The following IL17RC variants were observed in gnomAD, a reference collection of about 807,000 sequenced individuals.
IL17RC encodes the protein interleukin 17 receptor C.
In IL17RC, 53 loss-of-function variants were observed where a neutral mutation model predicts 86.7. That is an observed-to-expected ratio of 0.61 (90% confidence interval 0.49 to 0.77). The LOEUF (loss-of-function observed/expected upper bound fraction) is 0.77. IL17RC is among the 30% of genes least tolerant of loss of function. The pLI, the probability that IL17RC is intolerant of heterozygous loss-of-function variation, is 0.00. For synonymous variants in IL17RC, 439 were observed against 413.1 expected (o/e 1.06, Z -0.76); for missense variants, 957 against 940.0 (o/e 1.02, Z -0.24).
chr3:9,917,739 G>A lies in IL17RC; in HGVS notation c.127+5G>A. ...GCCTCTCCTGCCGCCTCTGGGGTAA[G>A]TATCCCTACTTTTAAAAAGAATTTC... On this transcript the variant is annotated splice_donor_5th_base_variant and intron_variant, in intron 2 of 18. Transcript: ENST00000403601. The A allele has an allele frequency of 3.1e-6, 5 of 1,613,678 alleles. No homozygotes were observed. Among genetic ancestry groups the A allele is most frequent in the Non-Finnish European group, 4.2e-6 (5 of 1,179,992 alleles).
At chr3:9,920,361 A>G (rs2083438234) in intron 5 of IL17RC, 130 bp from the exon 6 acceptor site, 4 of 626,064 alleles carry the variant, frequency 6.4e-6, no homozygotes, top group Non-Finnish European at 8.8e-6. Context: ...TTCAGGCTAT[A>G]CAGTATAAAT....
intron 9 of IL17RC, among the ~76,000 whole-genome samples, chr3:9,927,831 C>T (rs1329519158): frequency 2.6e-5 from 4 of 151,980 alleles, no homozygotes; most frequent in Non-Finnish European, 4.4e-5. Flanking sequence ...TTCCTGTAAT[C>T]GCAGCTCCTC....
chr3:9,927,252 G>A (rs1401781071), intron 9 of IL17RC, among the ~76,000 whole-genome samples: 1 of 152,116 alleles, frequency 6.6e-6, no homozygotes, highest in East Asian at 1.9e-4. Context: ...ACAAGTGATT[G>A]TGGAATGAAT....
At chr3:9,921,782 G>T (rs1451082099) in intron 7 of IL17RC, among the ~76,000 whole-genome samples, 1 of 149,742 alleles carries the variant, frequency 6.7e-6, no homozygotes, top group Non-Finnish European at 1.5e-5. Flanking sequence ...CCGCCACCAC[G>T]CCTGGCTAAT....
At chr3:9,921,255 G>A (rs1351734530) in intron 7 of IL17RC, among the ~76,000 whole-genome samples, 1 of 152,152 alleles carries the variant, frequency 6.6e-6, no homozygotes, top group East Asian at 1.9e-4. Flanking sequence ...AAAAGTTCAA[G>A]ACGAGCCTGG....
rs747669457 is a variant in IL17RC at position 9,930,953 on chromosome 3, G to GT, written c.1387+11dup. On this transcript the variant is annotated intron_variant, in intron 16 of 18. Coordinates refer to ENST00000403601, the MANE Select transcript of IL17RC (RefSeq NM_153460.4). This position sits in a 1 kb window ranked among gnomAD's most constrained non-coding sequence, Gnocchi z 5.8. ...TGCCCCATGGACAAATGTGAGTATT[G>GT]TAAGAACTGCCTTTCCTTTCTGTAC... is the stretch of plus-strand genomic sequence containing the variant. 1.9e-5 allele frequency: 31 copies of GT among 1,611,710 alleles called. 2 individuals carry two copies. In the South Asian group the frequency reaches 3.3e-4, roughly 17 times the overall value.
chr3:9,917,873 A>G (rs751946231), intron 2 of IL17RC, 50 bp from the exon 3 acceptor site: 46 of 1,612,214 alleles, frequency 2.9e-5, no homozygotes, highest in Non-Finnish European at 3.6e-5. Context: ...GGTGCCACCA[A>G]ATTCTGGGCT....
At chr3:9,929,647 G>A (rs140436474) in intron 12 of IL17RC, 75 of 654,016 alleles carry the variant, frequency 1.1e-4, no homozygotes, top group African/African-American at 5.0e-4. Flanking sequence ...GTCAGAAGAC[G>A]CTTTATACAG....
intron 9 of IL17RC, among the ~76,000 whole-genome samples, chr3:9,926,530 G>A (rs2084091583): frequency 6.6e-6 from 1 of 152,018 alleles, no homozygotes; most frequent in African/African-American, 2.4e-5. Flanking sequence ...TTGAAGGCAA[G>A]CAAATCATAT....
At chr3:9,921,070 A>G in intron 7 of IL17RC, 101 bp downstream of exon 7, 2 of 663,852 alleles carry the variant, frequency 3.0e-6, no homozygotes, top group Non-Finnish European at 5.1e-6. Flanking sequence ...ACATCTCAGA[A>G]GCTCACAGAA....
chr3:9,921,791 A>AT lies in IL17RC; in HGVS notation c.622+837dup, dbSNP rs1212669570. Among the ~76,000 whole-genome samples, 1,274 of 137,098 alleles carry AT rather than the reference A, an allele frequency of 9.3e-3. 15 individuals carry two copies. The highest frequency in any genetic ancestry group is 0.029 in the African/African-American group (1,099 of 37,428). The allele number at this position is 137,098 out of a possible 152,430, so 89.9% of individuals were successfully genotyped here. ...AGGCACCCGCCACCACGCCTGGCTA[A>AT]TTTTTTTTTTTTTTTAGTAGAGACA... On this transcript the variant is annotated intron_variant, in intron 7 of 18. Transcript: ENST00000403601.
chr3:9,926,291 C>G (rs1244645186), intron 9 of IL17RC, among the ~76,000 whole-genome samples: 1 of 152,142 alleles, frequency 6.6e-6, no homozygotes, highest in Non-Finnish European at 1.5e-5. Context: ...CTCGGCCGCC[C>G]AAAGTGCTGG....
intron 2 of IL17RC, 74 bp from the exon 3 acceptor site, chr3:9,917,849 C>G: frequency 6.2e-7 from 1 of 1,609,530 alleles, no homozygotes; most frequent in Non-Finnish European, 8.5e-7. Flanking sequence ...TTCTTTGGCT[C>G]TCTGGGTATG....
At chr3:9,925,589 C>A (rs1217441155) in intron 9 of IL17RC, among the ~76,000 whole-genome samples, 1 of 152,060 alleles carries the variant, frequency 6.6e-6, no homozygotes. Context: ...ACTTTCCTGG[C>A]ATTCTGGGCC....
Position 9,933,456 on chromosome 3 carries a change from C to A in IL17RC, c.2026C>A (p.Arg676=), listed in dbSNP as rs1330331413. 1 of 1,613,030 alleles carries A rather than the reference C, an allele frequency of 6.2e-7. No individual in the cohort carries two copies. The highest frequency in any genetic ancestry group is 1.7e-5 in the Admixed American group (1 of 59,982). Residue 676 remains arginine (R), a synonymous_variant, in exon 19 of 19, where the codon CGG becomes AGG. Transcript: ENST00000403601. ...LQQPRAPRSG[R]LQERAEQVSR... Reference sequence around the variant, plus strand: ...GCAGCCTCGCGCCCCGCGTTCCGGGCGGCTCCAAGAGAGAGCGGAGCAAGT... The same window carrying A: ...GCAGCCTCGCGCCCCGCGTTCCGGGAGGCTCCAAGAGAGAGCGGAGCAAGT...
Position 9,932,621 on chromosome 3 carries a change from C to G in IL17RC, c.1401C>G (p.Arg467=), listed in dbSNP as rs1479217773. 2.5e-6 allele frequency: 4 copies of G among 1,614,206 alleles called. No homozygotes were observed. The highest frequency in any genetic ancestry group is 2.5e-6 in the Non-Finnish European group (3 of 1,180,010). The part of the protein sequence containing the change: ...ACPMDKYIHK[R]WALVWLACLL... ...TGGGTCTCCCAGACATCCACAAGCG[C>G]TGGGCCCTCGTGTGGCTGGCCTGCC... The change falls in exon 17 of 19, where the codon CGC becomes CGG. Residue 467 remains arginine, a synonymous_variant. Coordinates refer to ENST00000403601, the MANE Select transcript of IL17RC (RefSeq NM_153460.4).
rs2083815968 is a variant in IL17RC, at chr3:9,923,913, G to A, written c.655G>A (p.Asp219Asn). ...CTGGCTCAACGTGTCAGCAGATGGT[G>A]ACAACGTGCATCTGGTTCTGAATGT... ...LPWLNVSADG[D>N]NVHLVLNVSE... The change falls in exon 8 of 19, where the codon GAC becomes AAC. Residue 219 changes from aspartate to asparagine, a missense_variant. Transcript: ENST00000403601. 6.2e-7 allele frequency: 1 copy of A among 1,614,186 alleles called. No individual in the cohort carries two copies. The highest frequency in any genetic ancestry group is 8.5e-7 in the Non-Finnish European group (1 of 1,180,044).
Position 9,930,086 on chromosome 3 carries a change from C to T in IL17RC, c.1215C>T (p.Asp405=). The T allele has an allele frequency of 6.2e-7, 1 of 1,614,134 alleles. No homozygotes were observed. Among genetic ancestry groups the T allele is most frequent in the Non-Finnish European group, 8.5e-7 (1 of 1,180,012 alleles). The change falls in exon 14 of 19, where the codon GAC becomes GAT. Residue 405 remains aspartate, a synonymous_variant. Coordinates refer to ENST00000403601, the MANE Select transcript of IL17RC (RefSeq NM_153460.4). The surrounding 1 kb of genome is among the most constrained non-coding windows in gnomAD (Gnocchi z 5.8). The stretch of plus-strand genomic sequence containing the variant: ...TGTTGGAGACACGAGGCCCCCAGGA[C>T]AACAGATCCCTCTGTGCCTTGGAAC... ...VLLLETRGPQ[D]NRSLCALEPS...
intron 5 of IL17RC, among the ~76,000 whole-genome samples, chr3:9,919,307 GT>G (rs1411204208): frequency 6.6e-6 from 1 of 150,972 alleles, no homozygotes. Context: ...ATCTCTTAAA[GT>G]TTTTTTGTTT....
Sources: gnomAD v4.1 joint callset for allele counts (sites outside exome capture counted in the v4.1 genomes callset) on GRCh38, gnomAD v4.1.1 for gene constraint, Gnocchi (gnomAD v3.1) non-coding constraint, MANE v1.5 for transcripts, NCBI Gene and HGNC (gene_info 2026-07-23, HGNC 2026-07-21) for gene names.